VPS13B: variants seen among roughly 807,000 people sequenced by gnomAD.
VPS13B encodes vacuolar protein sorting 13 homolog B.
A neutral mutation model predicts 426.4 loss-of-function variants in VPS13B; 285 were observed. The ratio of observed to expected loss-of-function variants is 0.67; its 90% CI spans 0.61 to 0.74. The LOEUF (loss-of-function observed/expected upper bound fraction) is 0.74, where lower values mean the gene tolerates loss of function less well. VPS13B is among the 30% of genes least tolerant of loss of function. VPS13B has a pLI of 0.00. For synonymous variants in VPS13B, 1,676 were observed against 1,676.4 expected, an observed-to-expected ratio of 1.00 and a Z score of 0.01; for missense variants, 4,537 against 4,782.6, an observed-to-expected ratio of 0.95 and a Z score of 1.51.
chr8:99,146,773 A>T (rs968478769), intron 13 of VPS13B, among the ~76,000 whole-genome samples: 2 of 152,068 alleles, frequency 1.3e-5, no homozygotes, highest in Non-Finnish European at 1.5e-5. Flanking sequence ...AAGTCTTACT[A>T]TGTTGCCCAG....
At chr8:99,383,974 A>G (rs1164409222) in intron 19 of VPS13B, among the ~76,000 whole-genome samples, 3 of 152,172 alleles carry the variant, frequency 2.0e-5, no homozygotes, top group Admixed American at 2.0e-4. Flanking sequence ...ACATTTCCTC[A>G]AAAAGACATA....
chr8:99,156,732 T>G lies in VPS13B; in HGVS notation c.2197T>G (p.Cys733Gly). 5 of 1,614,024 alleles carry G rather than the reference T, an allele frequency of 3.1e-6. No individual in the cohort carries two copies. The highest frequency in any genetic ancestry group is 4.2e-6 in the Non-Finnish European group (5 of 1,179,894). ...DNLLHYCYVH[C>G]YLKIFGFQAG... Reference sequence around the variant, plus strand: ...CCTGCTTCATTATTGTTATGTACACTGCTATCTTAAGGTATGAAAAGTGAA... The same window carrying G: ...CCTGCTTCATTATTGTTATGTACACGGCTATCTTAAGGTATGAAAAGTGAA... The change falls in exon 15 of 62, where the codon TGC becomes GGC. Residue 733 changes from cysteine to glycine, a missense_variant. Coordinates refer to ENST00000357162, the MANE Select transcript of VPS13B (RefSeq NM_152564.5).
At position 99,556,565 on chromosome 8, in the gene VPS13B, C is replaced by T. The variant is rs563705133; in HGVS notation, c.4861C>T (p.Pro1621Ser). The T allele has an allele frequency of 1.5e-4, 239 of 1,613,220 alleles. 2 individuals are homozygous for T. In the South Asian group the frequency reaches 2.5e-3, roughly 17 times the overall value. Residue 1621 changes from proline to serine, a missense_variant, in exon 31 of 62, where the codon CCA becomes TCA. Around this residue, in one of 2 missense-constraint regions of VPS13B, gnomAD observed 4,311 missense variants for 4,474.3 expected, o/e 0.96. Coordinates refer to ENST00000357162, the MANE Select transcript of VPS13B (RefSeq NM_152564.5). ...TACTGCACAGTGGCATCAACTAAAA[C>T]CAGAGAAGGAAAGTGTCTCAGGAGG... is the stretch of plus-strand genomic sequence containing the variant. ...IGTAQWHQLK[P>S]EKESVSGGVV...
intron 39 of VPS13B, among the ~76,000 whole-genome samples, chr8:99,735,690 G>T (rs1017947982): frequency 3.3e-5 from 5 of 152,136 alleles, no homozygotes; most frequent in Admixed American, 2.0e-4. Context: ...TTTCATGGAA[G>T]CCCTAGGAAA....
intron 19 of VPS13B, among the ~76,000 whole-genome samples, chr8:99,312,673 C>T (rs931710945): frequency 6.6e-6 from 1 of 152,138 alleles, no homozygotes; most frequent in African/African-American, 2.4e-5. Flanking sequence ...TGAGGAGTAT[C>T]TTTGTGGCGT....
chr8:99,539,016 T>G (rs1046805641), intron 30 of VPS13B, among the ~76,000 whole-genome samples: 4 of 151,702 alleles, frequency 2.6e-5, no homozygotes, highest in African/African-American at 9.8e-5. Context: ...AGTGCCTGCA[T>G]TTATTTTATT....
At position 99,371,513 on chromosome 8, in the gene VPS13B, G is replaced by T. The variant is rs538333373; in HGVS notation, c.2825-12695G>T. Among the ~76,000 whole-genome samples, 17 of 152,320 alleles carry T rather than the reference G, an allele frequency of 1.1e-4. No individual in the cohort carries two copies. In the East Asian group the frequency reaches 3.3e-3, roughly 29 times the overall value. ...GCCTTGTAGTATAGTTTGAAGTCAC[G>T]TAGCGTGATGCCTCCAGCTTTGTTC... On this transcript the variant is annotated intron_variant, in intron 19 of 61. Transcript: ENST00000357162.
rs988652712 is a variant in VPS13B, at chr8:99,621,990, C to T, written c.5221-19821C>T. Among the ~76,000 whole-genome samples, 10 of 151,774 alleles carry T rather than the reference C, an allele frequency of 6.6e-5. 1 individual carries two copies. The highest frequency in any genetic ancestry group is 4.2e-4 in the South Asian group (2 of 4,804). ...CTGGGACTACAGGCACTCACCACCA[C>T]GCCGGGCTTTTTTGTATTTTTAGTA... On this transcript the variant is annotated intron_variant, in intron 33 of 61. Coordinates refer to ENST00000357162, the MANE Select transcript of VPS13B (RefSeq NM_152564.5).
intron 8 of VPS13B, 52 bp from the exon 9 acceptor site, chr8:99,134,580 T>A: frequency 7.3e-7 from 1 of 1,369,236 alleles, no homozygotes; most frequent in Non-Finnish European, 1.0e-6. Flanking sequence ...AATGACAATT[T>A]ATTGCTCTTT....
chr8:99,740,922 G>T (rs1000196292), intron 39 of VPS13B, among the ~76,000 whole-genome samples: 12 of 152,080 alleles, frequency 7.9e-5, no homozygotes, highest in Non-Finnish European at 1.5e-5. Flanking sequence ...CAACTAACAA[G>T]CAAAATAACC....
chr8:99,661,570 T>C (rs1588599002), intron 35 of VPS13B, 79 bp downstream of exon 35: 1 of 1,531,624 alleles, frequency 6.5e-7, no homozygotes, highest in East Asian at 2.3e-5. Flanking sequence ...CTGTTAGTAA[T>C]CTTGACATTC....
chr8:99,708,604 T>A (rs1007304964), intron 36 of VPS13B, among the ~76,000 whole-genome samples: 5 of 152,130 alleles, frequency 3.3e-5, no homozygotes, highest in Admixed American at 6.6e-5. Flanking sequence ...CTATGAGAAG[T>A]CATCAGGTGC....
Position 99,778,956 on chromosome 8 carries a change from A to G in VPS13B, c.7704A>G (p.Ile2568Met). ...VVEKLLDCTV[I>M]VDSVFVNLGQ... ...AAAAGCTGCTTGACTGCACCGTGAT[A>G]GTTGATTCTGTATTTGTAAACCTTG... Residue 2568 changes from isoleucine to methionine, a missense_variant, in exon 42 of 62, where the codon ATA becomes ATG. Physicochemically the swap from Ile to Met is conservative, Grantham distance 10. Coordinates refer to ENST00000357162, the MANE Select transcript of VPS13B (RefSeq NM_152564.5). 1 of 1,613,986 alleles carries G rather than the reference A, an allele frequency of 6.2e-7. No individual in the cohort carries two copies. The highest frequency in any genetic ancestry group is 1.1e-5 in the South Asian group (1 of 91,084).
Position 99,556,593 on chromosome 8 carries a change from T to G in VPS13B, c.4889T>G (p.Val1630Gly), listed in dbSNP as rs769608908. The change falls in exon 31 of 62, where the codon GTG becomes GGG. Residue 1630 changes from valine to glycine, a missense_variant. By Grantham distance (109) the Val-to-Gly change is moderately radical. Around this residue, in one of 2 missense-constraint regions of VPS13B, gnomAD observed 4,311 missense variants for 4,474.3 expected, o/e 0.96. Coordinates refer to ENST00000357162, the MANE Select transcript of VPS13B (RefSeq NM_152564.5). Reference sequence around the variant, plus strand: ...GAGAAGGAAAGTGTCTCAGGAGGGGTGGTAACAGAGACTGAAAGGAATTCT... The same window carrying G: ...GAGAAGGAAAGTGTCTCAGGAGGGGGGGTAACAGAGACTGAAAGGAATTCT... ...KPEKESVSGG[V>G]VTETERNSQN... The G allele has an allele frequency of 6.2e-7, 1 of 1,612,866 alleles. No individual in the cohort carries two copies. The highest frequency in any genetic ancestry group is 1.7e-5 in the Admixed American group (1 of 59,848).
chr8:99,026,019 C>T (rs887573454), intron 2 of VPS13B, among the ~76,000 whole-genome samples: 2 of 152,026 alleles, frequency 1.3e-5, no homozygotes, highest in Non-Finnish European at 2.9e-5. Flanking sequence ...TTCTGATCCT[C>T]ATAATATCTT....
chr8:99,587,097 T>C (rs952604592), intron 33 of VPS13B, among the ~76,000 whole-genome samples: 1 of 152,168 alleles, frequency 6.6e-6, no homozygotes, highest in African/African-American at 2.4e-5. Context: ...CTTCCAATAG[T>C]TTGCTCAGAA....
chr8:99,060,492 C>G lies in VPS13B; in HGVS notation c.291+21926C>G, dbSNP rs563975553. Among the ~76,000 whole-genome samples the G allele has an allele frequency of 3.9e-5, 6 of 151,964 alleles. 1 individual carries two copies. The highest frequency in any genetic ancestry group is 1.4e-4 in the African/African-American group (6 of 41,446). On this transcript the variant is annotated intron_variant, in intron 3 of 61. Coordinates refer to ENST00000357162, the MANE Select transcript of VPS13B (RefSeq NM_152564.5). The stretch of plus-strand genomic sequence containing the variant: ...GGTGTGGTGGCAGGCACCTGTAATC[C>G]CAGCCACTCAGGAGGCTGAGGTGGG...
At chr8:99,327,101 TAAAC>T (rs1038899969) in intron 19 of VPS13B, among the ~76,000 whole-genome samples, 2 of 152,176 alleles carry the variant, frequency 1.3e-5, no homozygotes, top group African/African-American at 2.4e-5. Context: ...TCTTTAATCT[TAAAC>T]AAAGGTGTAC....
At chr8:99,215,783 C>T (rs79059336) in intron 17 of VPS13B, among the ~76,000 whole-genome samples, 2,365 of 152,212 alleles carry the variant, frequency 0.016, 26 homozygotes, top group Middle Eastern at 0.041. Context: ...AGAAGGAAAG[C>T]GGATGTTCAG....
Sources: allele counts gnomAD v4.1 joint callset (sites outside exome capture counted in the v4.1 genomes callset), GRCh38; gene constraint gnomAD v4.1.1; regional missense constraint gnomAD v4.1.1; transcripts MANE v1.5; gene names NCBI Gene and HGNC (gene_info 2026-07-23, HGNC 2026-07-21).